Variants in VASP observed in about 807,000 individuals in gnomAD.
VASP encodes the protein vasodilator stimulated phosphoprotein.
In VASP, 27 loss-of-function variants were observed where a neutral mutation model predicts 54.4. The observed-to-expected ratio is 0.50, with a 90% CI of 0.37 to 0.68. The LOEUF is 0.68. VASP is among the 30% of genes least tolerant of loss of function. The pLI, the probability that VASP is intolerant of heterozygous loss-of-function variation, is 0.00. For synonymous variants in VASP, 233 were observed against 209.8 expected, an observed-to-expected ratio of 1.11 and a Z score of -0.96; for missense variants, 488 against 528.3, an observed-to-expected ratio of 0.92 and a Z score of 0.75.
intron 3 of VASP, among the ~76,000 whole-genome samples, chr19:45,521,086 T>G (rs1385438092): frequency 6.6e-6 from 1 of 152,232 alleles, no homozygotes; most frequent in Non-Finnish European, 1.5e-5. Flanking sequence ...CCTTAGCTTC[T>G]CCTGTCACTG....
At position 45,523,776 on chromosome 19, in the gene VASP, C is replaced by T. The variant is rs144840984; in HGVS notation, c.874-65C>T. 550 of 1,613,968 alleles carry T rather than the reference C, an allele frequency of 3.4e-4. 2 individuals carry two copies. In the East Asian group the frequency reaches 0.011, roughly 34 times the overall value. The stretch of plus-strand genomic sequence containing the variant: ...GATAGTGGGATGTGTGGGGTTTGAA[C>T]CTGAAAGAGGAAATGGGCAGAGGTG... On this transcript the variant is annotated intron_variant, in intron 8 of 12. Coordinates refer to ENST00000245932, the MANE Select transcript of VASP (RefSeq NM_003370.4).
At chr19:45,519,267 G>A (rs1028922611) in intron 3 of VASP, among the ~76,000 whole-genome samples, 2 of 152,072 alleles carry the variant, frequency 1.3e-5, no homozygotes, top group Non-Finnish European at 2.9e-5. Flanking sequence ...GCCCGCCTAG[G>A]CCTCCCAGAG....
chr19:45,519,256 C>T (rs148889744), intron 3 of VASP, among the ~76,000 whole-genome samples: 2,235 of 152,194 alleles, frequency 0.015, 54 homozygotes, highest in African/African-American at 0.051. Context: ...CCTTGTGATC[C>T]GCCCGCCTAG....
At chr19:45,513,468 C>CTTTTTTTTTTTTTTTTTTTTTTTTTTT (rs71173173) in intron 1 of VASP, among the ~76,000 whole-genome samples, 10 of 92,786 alleles carry the variant, frequency 1.1e-4, no homozygotes, top group East Asian at 9.7e-4. Flanking sequence ...AGTCTCTCTC[C>CTTTTTTTTTTTTTTTTTTTTTTTTTTT]TTTTTTTTTT....
intron 8 of VASP, 50 bp downstream of exon 8, chr19:45,523,745 G>T: frequency 6.2e-7 from 1 of 1,613,972 alleles, no homozygotes. Context: ...GTACCATGAG[G>T]GTAGGGATAG....
chr19:45,512,894 C>G (rs1014418216), intron 1 of VASP, among the ~76,000 whole-genome samples: 1 of 152,148 alleles, frequency 6.6e-6, no homozygotes, highest in Non-Finnish European at 1.5e-5. Context: ...CCACCGCACC[C>G]GACCTTTTTT....
chr19:45,507,558 GC>G lies in VASP; in HGVS notation c.-213del, dbSNP rs1190769316. 1 of 539,164 alleles carries G rather than the reference GC, an allele frequency of 1.9e-6. No homozygotes were observed. The highest frequency in any genetic ancestry group is 3.2e-6 in the Non-Finnish European group (1 of 311,630). 33.4% of individuals were successfully genotyped at this position (539,164 alleles called of 1,614,324 possible). On this transcript the variant is annotated 5_prime_UTR_variant, in exon 1 of 13. Coordinates refer to ENST00000245932, the MANE Select transcript of VASP (RefSeq NM_003370.4). The surrounding 1 kb of genome is among the most constrained non-coding windows in gnomAD (Gnocchi z 4.4). ...GCGGACGCTGCATCCCCTTTCTGCT[GC>G]AGGAACCTCTCATCAGACCGCCTGA...
At chr19:45,522,672 CA>C in intron 6 of VASP, 45 bp from the exon 7 acceptor site, 1 of 1,590,290 alleles carries the variant, frequency 6.3e-7, no homozygotes. Flanking sequence ...GCTGGAAGGC[CA>C]AAAGGCCTGC....
intron 3 of VASP, 105 bp from the exon 4 acceptor site, chr19:45,521,217 C>A: frequency 1.8e-6 from 2 of 1,142,588 alleles, no homozygotes; most frequent in South Asian, 2.7e-5. Flanking sequence ...AGGAAGTGAG[C>A]GCCTCTGGGC....
In VASP at chr19:45,515,849, T is replaced by C. The variant is rs112797047; in HGVS notation, c.6-1814T>C. Among the ~76,000 whole-genome samples, 640 of 152,268 alleles carry C rather than the reference T, an allele frequency of 4.2e-3. 3 individuals carry two copies. The highest frequency in any genetic ancestry group is 6.5e-3 in the Non-Finnish European group (444 of 68,006). On this transcript the variant is annotated intron_variant, in intron 1 of 12. Transcript: ENST00000245932. ...CACCACACCCGGCTGTACCAAGCCC[T>C]TTAGGTGCCCAGATTCATGTGCCCC...
At chr19:45,516,589 G>A (rs146369165) in intron 1 of VASP, among the ~76,000 whole-genome samples, 158 of 152,254 alleles carry the variant, frequency 1.0e-3, no homozygotes, top group African/African-American at 3.3e-3. Context: ...CTGCTAACCC[G>A]CATCCCCCCA....
chr19:45,521,958 ATCCTGATCTC>A (rs1452126467), intron 4 of VASP, among the ~76,000 whole-genome samples, 200 bp from the exon 5 acceptor site: 8 of 151,562 alleles, frequency 5.3e-5, no homozygotes, highest in Admixed American at 5.2e-4. Context: ...GGGATCTCGC[ATCCTGATCTC>A]TCCCTGTCGC....
intron 9 of VASP, 70 bp downstream of exon 9, chr19:45,523,947 A>G: frequency 2.4e-5 from 39 of 1,610,344 alleles, no homozygotes; most frequent in Non-Finnish European, 3.3e-5. Flanking sequence ...CATGTTAAGC[A>G]CCCTTATAGG....
chr19:45,517,874 T>TA, intron 2 of VASP, 40 bp downstream of exon 2: 4 of 1,544,620 alleles, frequency 2.6e-6, no homozygotes, highest in Non-Finnish European at 1.8e-6. Context: ...GCTGAACCCC[T>TA]ACCCGCCCCA....
Position 45,524,610 on chromosome 19 carries a change from C to T in VASP, c.997C>T (p.Pro333Ser), listed in dbSNP as rs1968919215. The change falls in exon 11 of 13, where the codon CCC (proline) becomes TCC (serine). Residue 333 changes from proline (P) to serine (S), a missense_variant. Coordinates refer to ENST00000245932, the MANE Select transcript of VASP (RefSeq NM_003370.4). ...SSSVTTSETQ[P>S]CTPSSSDYSD... ...TTCGGTGACCACTTCCGAGACCCAACCCTGCACGCCCAGCTCCAGTGATTA... is the reference window on the plus strand; with the variant it reads ...TTCGGTGACCACTTCCGAGACCCAATCCTGCACGCCCAGCTCCAGTGATTA... 1 of 1,614,010 alleles carries T rather than the reference C, an allele frequency of 6.2e-7. No homozygotes were observed. Among genetic ancestry groups the T allele is most frequent in the Non-Finnish European group, 8.5e-7 (1 of 1,179,978 alleles).
At chr19:45,524,300 G>A in intron 10 of VASP, 158 bp downstream of exon 10, 1 of 863,918 alleles carries the variant, frequency 1.2e-6, no homozygotes, top group Admixed American at 2.1e-5. Context: ...TACTCAGGAG[G>A]CTGAGGTGGG....
chr19:45,523,921 G>C, intron 9 of VASP, 44 bp downstream of exon 9: 1 of 1,612,866 alleles, frequency 6.2e-7, no homozygotes, highest in Non-Finnish European at 8.5e-7. Flanking sequence ...ACAAATCCCA[G>C]AATACTCTGT....
At position 45,517,963 on chromosome 19, in the gene VASP, A is replaced by G. The variant is rs2122311860; in HGVS notation, c.212A>G (p.Lys71Arg). ...AACTGTGCCATCGTCCGGGGTGTCAAGTATAACCAGGCCACCCCCAACTTC... is the reference window on the plus strand; with the variant it reads ...AACTGTGCCATCGTCCGGGGTGTCAGGTATAACCAGGCCACCCCCAACTTC... ...VINCAIVRGV[K>R]YNQATPNFHQ... Residue 71 changes from lysine (K) to arginine (R), a missense_variant, in exon 3 of 13, where the codon AAG becomes AGG. By Grantham distance (26) the Lys-to-Arg change is conservative (BLOSUM62 2). This residue lies in a region of VASP where 127 missense variants were observed against 170.7 expected (regional missense o/e 0.74). Coordinates refer to ENST00000245932, the MANE Select transcript of VASP (RefSeq NM_003370.4). 5 of 1,613,868 alleles carry G rather than the reference A, an allele frequency of 3.1e-6. 1 individual carries two copies. Among genetic ancestry groups the G allele is most frequent in the Non-Finnish European group, 3.4e-6 (4 of 1,179,936 alleles).
rs1285460906 is a variant in VASP at position 45,525,996 on chromosome 19, C to T, written c.1098C>T (p.Ile366=). Residue 366 remains isoleucine, a synonymous_variant, in exon 12 of 13, where the codon ATC becomes ATT. Coordinates refer to ENST00000245932, the MANE Select transcript of VASP (RefSeq NM_003370.4). ...AATTGCAGAAAGTGAAAGAGGAAAT[C>T]ATTGAAGGTGAGGTGGTTTGCTTTG... ...KKELQKVKEE[I]IEAFVQELRK... The T allele has an allele frequency of 1.2e-6, 2 of 1,613,862 alleles. No individual in the cohort carries two copies. Among genetic ancestry groups the T allele is most frequent in the South Asian group, 2.2e-5 (2 of 91,042 alleles).
Sources: allele counts gnomAD v4.1 joint callset (sites outside exome capture counted in the v4.1 genomes callset), GRCh38; gene constraint gnomAD v4.1.1; regional missense constraint gnomAD v4.1.1; non-coding constraint Gnocchi (gnomAD v3.1); transcripts MANE v1.5; gene names NCBI Gene and HGNC (gene_info 2026-07-23, HGNC 2026-07-21).